The following CCND3 variants were observed in gnomAD, a reference collection of about 807,000 sequenced individuals.
The protein encoded by CCND3 is G1/S-specific cyclin-D3.
In CCND3, 9 loss-of-function variants were observed where a neutral mutation model predicts 28.7. That is an observed-to-expected ratio of 0.31 (90% confidence interval 0.19 to 0.55). The LOEUF is 0.55. Among genes scored for constraint, CCND3 ranks in the 20% least tolerant of loss-of-function variants. CCND3 has a pLI of 0.93. For synonymous variants in CCND3, 164 were observed against 163.9 expected (o/e 1.00, Z 0.00); for missense variants, 315 against 385.8 (o/e 0.82, Z 1.54).
intron 1 of CCND3, among the ~76,000 whole-genome samples, chr6:42,010,246 C>T (rs1763300996): frequency 6.6e-6 from 1 of 152,194 alleles, no homozygotes; most frequent in African/African-American, 2.4e-5. Context: ...TCTCTTCACA[C>T]GCCCCCCAAA....
intron 1 of CCND3, among the ~76,000 whole-genome samples, chr6:42,029,250 T>TA (rs1763977208): frequency 6.6e-6 from 1 of 151,998 alleles, no homozygotes; most frequent in African/African-American, 2.4e-5. Flanking sequence ...CTTTGCCTCC[T>TA]AAAGTGTTGG....
At chr6:42,027,719 C>T (rs1308181519) in intron 1 of CCND3, among the ~76,000 whole-genome samples, 2 of 151,820 alleles carry the variant, frequency 1.3e-5, no homozygotes, top group Admixed American at 1.3e-4. Context: ...ATCTCTTAGC[C>T]TCTCTAAGCC....
At chr6:42,018,251 G>A (rs1016436508) in intron 1 of CCND3, among the ~76,000 whole-genome samples, 1 of 151,776 alleles carries the variant, frequency 6.6e-6, no homozygotes, top group African/African-American at 2.4e-5. Flanking sequence ...GGAGTGCAGT[G>A]GCACAATCTC....
At chr6:42,016,216 T>A (rs1474963148) in intron 1 of CCND3, among the ~76,000 whole-genome samples, 1 of 152,204 alleles carries the variant, frequency 6.6e-6, no homozygotes, top group Non-Finnish European at 1.5e-5. Context: ...ATTACAGGCG[T>A]GAGCCACTGC....
At chr6:41,988,770 C>G (rs1008967285) in intron 1 of CCND3, among the ~76,000 whole-genome samples, 4 of 146,258 alleles carry the variant, frequency 2.7e-5, no homozygotes, top group Non-Finnish European at 5.9e-5. Context: ...GCGATGTCGG[C>G]TCACTGCAAG....
At chr6:42,039,720 A>C (rs1207254083) in intron 1 of CCND3, among the ~76,000 whole-genome samples, 1 of 152,220 alleles carries the variant, frequency 6.6e-6, no homozygotes, top group African/African-American at 2.4e-5. Flanking sequence ...CAGATAGGTT[A>C]GGGCCCAGCC....
At chr6:41,975,260 G>C (rs1359486480) in intron 1 of CCND3, among the ~76,000 whole-genome samples, 2 of 152,168 alleles carry the variant, frequency 1.3e-5, no homozygotes, top group Non-Finnish European at 2.9e-5. Flanking sequence ...AGAACACTGT[G>C]AGCTTCGAGT....
At chr6:41,961,226 C>T (rs1761707105) in intron 1 of CCND3, among the ~76,000 whole-genome samples, 1 of 152,138 alleles carries the variant, frequency 6.6e-6, no homozygotes, top group Admixed American at 6.6e-5. Flanking sequence ...GTAATCCCAG[C>T]ACTTTGGGAG....
rs201027925 is a variant in CCND3, at chr6:41,993,925, TAAAAAAAAAAAAAAAAAAAAA to T, written c.-45-53361_-45-53341del. ...GTGACAGAGCGACAGACTCTTGTCT[TAAAAAAAAAAAAAAAAAAAAA>T]AAAAAAAAAAAAAAAAGAGCTATCA... On this transcript the variant is annotated intron_variant, in intron 1 of 4. Coordinates refer to the CCND3 transcript ENST00000372988. Among the ~76,000 whole-genome samples the T allele has an allele frequency of 8.1e-4, 98 of 121,246 alleles. No homozygotes were observed. In the Middle Eastern group the frequency reaches 0.023, roughly 28 times the overall value. The allele number at this position is 121,246 out of a possible 152,430, so 79.5% of individuals were successfully genotyped here.
In CCND3 at chr6:41,939,374, T is replaced by C. The variant is rs1775915330; in HGVS notation, c.414+996A>G. Among the ~76,000 whole-genome samples the C allele has an allele frequency of 6.6e-6, 1 of 151,930 alleles. No individual in the cohort carries two copies. Among genetic ancestry groups the C allele is most frequent in the South Asian group, 2.1e-4 (1 of 4,820 alleles). On this transcript the variant is annotated intron_variant, in intron 2 of 4. Coordinates refer to ENST00000372991, the MANE Select transcript of CCND3 (RefSeq NM_001760.5). The surrounding 1 kb of genome is among the most constrained non-coding windows in gnomAD (Gnocchi z 4.2). ...CGCCACAGAGCAAGGTGGAGGAAGG[T>C]GCCAGCTCACCCACCCTCTCCCCCA...
At chr6:41,972,759 G>A (rs1450054348) in intron 1 of CCND3, among the ~76,000 whole-genome samples, 1 of 152,010 alleles carries the variant, frequency 6.6e-6, no homozygotes, top group African/African-American at 2.4e-5. Context: ...GCTCATGGCT[G>A]TAATCCTAGC....
intron 1 of CCND3, among the ~76,000 whole-genome samples, chr6:41,998,350 T>G (rs1240633419): frequency 3.3e-3 from 2 of 610 alleles, no homozygotes; most frequent in Non-Finnish European, 0.014. Flanking sequence ...CAATATCCAA[T>G]TTTTTTTTTT....
chr6:41,998,017 G>A (rs562399291), intron 1 of CCND3, among the ~76,000 whole-genome samples: 125 of 151,582 alleles, frequency 8.2e-4, no homozygotes, highest in Non-Finnish European at 1.4e-3. Context: ...TTAGCCGGGC[G>A]TGGTGGCGCT....
chr6:42,021,871 C>A (rs1309507165), intron 1 of CCND3, among the ~76,000 whole-genome samples: 1 of 152,138 alleles, frequency 6.6e-6, no homozygotes, highest in Non-Finnish European at 1.5e-5. Flanking sequence ...ATTTTGCAGG[C>A]CTTGGGAAGC....
In CCND3 at chr6:41,936,121, A is replaced by G. The variant is rs549926134; in HGVS notation, c.712-14T>C. 5.8e-6 allele frequency: 9 copies of G among 1,561,864 alleles called. No individual in the cohort carries two copies. The South Asian group carries it at 1.1e-4, about 19-fold the overall frequency. On this transcript the variant is annotated splice_polypyrimidine_tract_variant and intron_variant, in intron 4 of 4. Transcript: ENST00000372991. This position sits in a 1 kb window ranked among gnomAD's most constrained non-coding sequence, Gnocchi z 4.4. ...CCGCAGGCAGTCCTGGGAACATGGG[A>G]GAAGAGTGAGGAGCAAACACTCCCC...
At position 41,941,621 on chromosome 6, in the gene CCND3, C is replaced by T; in HGVS notation, c.29G>A (p.Arg10Gln). ...GTCCGGCCCGGCCCGGGGCGCGTGCCGGGTGCCTTCGCAACACAGCAGCTC... is the reference window on the plus strand; with the variant it reads ...GTCCGGCCCGGCCCGGGGCGCGTGCTGGGTGCCTTCGCAACACAGCAGCTC... MELLCCEGT[R>Q]HAPRAGPDPR... The change falls in exon 1 of 5, where the codon CGG (arginine) becomes CAG (glutamine). Residue 10 changes from arginine (R) to glutamine (Q), a missense_variant. By Grantham distance (43) the Arg-to-Gln change is conservative (BLOSUM62 1). Coordinates refer to ENST00000372991, the MANE Select transcript of CCND3 (RefSeq NM_001760.5). This position sits in a 1 kb window ranked among gnomAD's most constrained non-coding sequence, Gnocchi z 6.1. 1.3e-6 allele frequency: 2 copies of T among 1,514,328 alleles called. No individual in the cohort carries two copies. The highest frequency in any genetic ancestry group is 1.4e-5 in the African/African-American group (1 of 71,558). The allele number at this position is 1,514,328 out of a possible 1,614,324, so 93.8% of individuals were successfully genotyped here. A position where few individuals can be genotyped will look rare whatever the true frequency, so the allele number is the denominator to read the frequency against.
intron 1 of CCND3, among the ~76,000 whole-genome samples, chr6:42,046,382 C>T (rs1764544329): frequency 6.6e-6 from 1 of 152,074 alleles, no homozygotes; most frequent in Non-Finnish European, 1.5e-5. Context: ...TAAGCCTGGA[C>T]CCACTCCTTG....
chr6:42,000,256 TTTTTTGG>T, intron 1 of CCND3, among the ~76,000 whole-genome samples: 1 of 115,536 alleles, frequency 8.7e-6, no homozygotes, highest in South Asian at 3.2e-4. Flanking sequence ...TTTTTTTTTT[TTTTTTGG>T]GACAGAGTCT....
At chr6:41,987,681 T>G (rs1047211634) in intron 1 of CCND3, among the ~76,000 whole-genome samples, 1 of 151,236 alleles carries the variant, frequency 6.6e-6, no homozygotes, top group East Asian at 1.9e-4. Context: ...TTTTTTTTTT[T>G]AATAGAGAGG....
Sources: gnomAD v4.1 joint callset for allele counts (sites outside exome capture counted in the v4.1 genomes callset) on GRCh38, gnomAD v4.1.1 for gene constraint, Gnocchi (gnomAD v3.1) non-coding constraint, MANE v1.5 for transcripts, NCBI Gene and HGNC (gene_info 2026-07-23, HGNC 2026-07-21) for gene names.